UBE2N: variants seen among roughly 807,000 people sequenced by gnomAD.
The protein encoded by UBE2N is ubiquitin-conjugating enzyme E2 N.
For missense variants in UBE2N, 60 were observed against 192.1 expected, an observed-to-expected ratio of 0.31 and a Z score of 4.07; for synonymous variants, 70 against 69.2, an observed-to-expected ratio of 1.01 and a Z score of -0.06.
At chr12:93,441,735 C>G in intron 1 of UBE2N, 120 bp downstream of exon 1, 1 of 1,385,172 alleles carries the variant, frequency 7.2e-7, no homozygotes, top group South Asian at 1.3e-5. Context: ...AACCCCTCTC[C>G]GCGCCGCCTC....
intron 1 of UBE2N, among the ~76,000 whole-genome samples, chr12:93,431,030 C>T (rs1878753330): frequency 6.6e-6 from 1 of 151,426 alleles, no homozygotes; most frequent in South Asian, 2.1e-4. Context: ...AGTTCGAGAC[C>T]AGCCTGGCCA....
chr12:93,411,390 G>A (rs964142092), intron 1 of UBE2N, 91 bp from the exon 2 acceptor site: 23 of 1,501,070 alleles, frequency 1.5e-5, no homozygotes, highest in East Asian at 2.3e-5. Flanking sequence ...TTAGAACTAC[G>A]CATAATAGAA....
rs114496701 is a variant in UBE2N, at chr12:93,441,916, C to A, written c.-32G>T. 4.2e-3 allele frequency: 6,543 copies of A among 1,565,960 alleles called. 227 individuals are homozygous for A. In the African/African-American group the frequency reaches 0.078, roughly 19 times the overall value. ...AGAACCCGAGTTCGGCCTCTGGTCT[C>A]GTCTCCGGCTCCTCTCGCCTCACGC... On this transcript the variant is annotated 5_prime_UTR_variant, in exon 1 of 4. Transcript: ENST00000318066.
intron 1 of UBE2N, among the ~76,000 whole-genome samples, chr12:93,421,104 C>G (rs905837229): frequency 1.3e-5 from 2 of 151,908 alleles, no homozygotes; most frequent in African/African-American, 4.8e-5. Flanking sequence ...AGTAATCGAC[C>G]AAAGCTAGTG....
chr12:93,440,078 T>C (rs1370037853), intron 1 of UBE2N, among the ~76,000 whole-genome samples: 7 of 152,198 alleles, frequency 4.6e-5, no homozygotes, highest in Admixed American at 2.6e-4. Context: ...TAATCAAAAA[T>C]AGAAAAATGC....
At chr12:93,416,645 G>A (rs1206024492) in intron 1 of UBE2N, among the ~76,000 whole-genome samples, 7 of 151,914 alleles carry the variant, frequency 4.6e-5, no homozygotes, top group Non-Finnish European at 8.8e-5. Context: ...TGATCTGCCC[G>A]CCTCAGCCTC....
intron 1 of UBE2N, among the ~76,000 whole-genome samples, chr12:93,417,389 A>G (rs902793950): frequency 1.3e-5 from 2 of 152,216 alleles, no homozygotes; most frequent in African/African-American, 4.8e-5. Context: ...TTGAAAAATA[A>G]TTTGTGCTCA....
intron 1 of UBE2N, among the ~76,000 whole-genome samples, chr12:93,433,109 A>G (rs1371413564): frequency 2.0e-5 from 3 of 151,704 alleles, no homozygotes; most frequent in African/African-American, 7.3e-5. Context: ...ATTTTTTTGT[A>G]TTTTTAGTAG....
intron 1 of UBE2N, among the ~76,000 whole-genome samples, chr12:93,435,363 C>T (rs944486662): frequency 1.3e-5 from 2 of 152,108 alleles, no homozygotes; most frequent in African/African-American, 4.8e-5. Context: ...ATCCCAGCTA[C>T]TAGGGAGGCT....
intron 3 of UBE2N, 51 bp downstream of exon 3, chr12:93,410,683 T>A (rs1565791252): frequency 2.5e-6 from 4 of 1,607,314 alleles, no homozygotes; most frequent in Non-Finnish European, 2.6e-6. Context: ...TAAGTGGTAA[T>A]ACAAATTTGT....
At chr12:93,435,201 G>T (rs141069003) in intron 1 of UBE2N, among the ~76,000 whole-genome samples, 5 of 152,136 alleles carry the variant, frequency 3.3e-5, no homozygotes, top group Non-Finnish European at 7.4e-5. Context: ...GGACAGGCGC[G>T]GTGACTCACA....
intron 1 of UBE2N, among the ~76,000 whole-genome samples, chr12:93,417,509 T>C (rs1878256636): frequency 6.6e-6 from 1 of 152,218 alleles, no homozygotes; most frequent in African/African-American, 2.4e-5. Context: ...TGCTAATTTG[T>C]GTGTGAGAAA....
At position 93,406,856 on chromosome 12, in the gene UBE2N, G is replaced by T. The variant is rs1877849943; in HGVS notation, c.*3183C>A. 1 of 152,174 alleles carries T rather than the reference G, an allele frequency of 6.6e-6. No individual in the cohort carries two copies. Among genetic ancestry groups the T allele is most frequent in the African/African-American group, 2.4e-5 (1 of 41,426 alleles). The allele number at this position is 152,174 out of a possible 1,614,324, so 9.4% of individuals were successfully genotyped here. ...CAGTTCCCGACAAATACCAAGAGAT[G>T]ACTTTACTTTAGACCTAAGATCTTG... is the stretch of plus-strand genomic sequence containing the variant. On this transcript the variant is annotated 3_prime_UTR_variant, in exon 4 of 4. Transcript: ENST00000318066.
intron 1 of UBE2N, among the ~76,000 whole-genome samples, chr12:93,418,286 C>G (rs575779946): frequency 6.6e-6 from 1 of 152,212 alleles, no homozygotes; most frequent in South Asian, 2.1e-4. Flanking sequence ...ACTGCCTGAG[C>G]CCAGGAGTTC....
chr12:93,423,533 G>C (rs993369924), intron 1 of UBE2N, among the ~76,000 whole-genome samples: 47 of 152,144 alleles, frequency 3.1e-4, no homozygotes, highest in African/African-American at 1.1e-3. Flanking sequence ...TTTCACATTA[G>C]ACAGTTAAAT....
intron 1 of UBE2N, among the ~76,000 whole-genome samples, chr12:93,416,406 G>C (rs1047039603): frequency 6.6e-6 from 1 of 151,542 alleles, no homozygotes; most frequent in Non-Finnish European, 1.5e-5. Context: ...ATTTCTTTAA[G>C]TGAAGAAGTA....
rs759629807 is a variant in UBE2N, at chr12:93,441,932, C to A, written c.-48G>T. The A allele has an allele frequency of 1.3e-6, 2 of 1,550,612 alleles. No homozygotes were observed. Among genetic ancestry groups the A allele is most frequent in the South Asian group, 2.4e-5 (2 of 84,118 alleles). ...CTCTGGTCTCGTCTCCGGCTCCTCT[C>A]GCCTCACGCACGAGTGGAAGTCCCG... On this transcript the variant is annotated 5_prime_UTR_variant, in exon 1 of 4. Coordinates refer to ENST00000318066, the MANE Select transcript of UBE2N (RefSeq NM_003348.4).
At chr12:93,429,887 C>T (rs1361156467) in intron 1 of UBE2N, among the ~76,000 whole-genome samples, 1 of 151,950 alleles carries the variant, frequency 6.6e-6, no homozygotes, top group African/African-American at 2.4e-5. Context: ...ACAAAAAAAT[C>T]AAAAGTTTAA....
chr12:93,439,588 A>AC (rs1230967234), intron 1 of UBE2N, among the ~76,000 whole-genome samples: 9 of 152,352 alleles, frequency 5.9e-5, no homozygotes, highest in African/African-American at 1.9e-4. Flanking sequence ...CAATACCGTT[A>AC]CCCCCATCCA....
Sources: gnomAD v4.1 joint callset for allele counts (sites outside exome capture counted in the v4.1 genomes callset) on GRCh38, gnomAD v4.1.1 for gene constraint, MANE v1.5 for transcripts, NCBI Gene and HGNC (gene_info 2026-07-23, HGNC 2026-07-21) for gene names.